MAP4K1: variants seen among roughly 807,000 people sequenced by gnomAD.
MAP4K1 encodes the protein MAPK/ERK kinase kinase kinase 1.
MAP4K1 carries 35 observed loss-of-function variants against 122.8 expected under a neutral mutation model. That is an observed-to-expected ratio of 0.29 (90% CI 0.22 to 0.38). MAP4K1 has a LOEUF of 0.38. Among genes scored for constraint, MAP4K1 ranks in the 10% least tolerant of loss-of-function variants. The probability of loss-of-function intolerance (pLI) is 1.00; values close to 1 mark genes in which losing one functional copy is unlikely to be tolerated. For missense variants in MAP4K1, 791 were observed against 1,072.6 expected (o/e 0.74, Z 3.67); for synonymous variants, 412 against 421.3 (o/e 0.98, Z 0.27).
intron 16 of MAP4K1, among the ~76,000 whole-genome samples, chr19:38,607,586 A>T (rs1433625480): frequency 2.7e-5 from 4 of 148,122 alleles, no homozygotes; most frequent in Non-Finnish European, 4.5e-5. Flanking sequence ...AAAAAGAAGA[A>T]GGTGGAAGGA....
At chr19:38,603,545 T>A (rs1975231239) in intron 19 of MAP4K1, among the ~76,000 whole-genome samples, 1 of 152,056 alleles carries the variant, frequency 6.6e-6, no homozygotes, top group Non-Finnish European at 1.5e-5. Context: ...AAATTATACA[T>A]ACTTTTAGCC....
chr19:38,597,604 G>A lies in MAP4K1; in HGVS notation c.1670-10C>T, dbSNP rs541570985. 13 of 1,591,500 alleles carry A rather than the reference G, an allele frequency of 8.2e-6. No homozygotes were observed. Among genetic ancestry groups the A allele is most frequent in the Non-Finnish European group, 1.1e-5 (13 of 1,164,026 alleles). On this transcript the variant is annotated splice_polypyrimidine_tract_variant and intron_variant, in intron 22 of 30. Transcript: ENST00000396857. This position sits in a 1 kb window ranked among gnomAD's most constrained non-coding sequence, Gnocchi z 4.6. ...AGGTGGGGGGTCTTTCCTGCAGGGT[G>A]TGTGTATGTAGGGGGAAGCAGGAAG...
intron 30 of MAP4K1, among the ~76,000 whole-genome samples, chr19:38,590,395 ATATATAT>A (rs1285705335): frequency 4.6e-4 from 9 of 19,472 alleles, no homozygotes; most frequent in South Asian, 2.5e-3. Context: ...AAAAAAAAAA[ATATATAT>A]ATATATATAT....
intron 30 of MAP4K1, among the ~76,000 whole-genome samples, chr19:38,590,744 GGA>G (rs1273355326): frequency 1.3e-5 from 2 of 151,780 alleles, no homozygotes; most frequent in Non-Finnish European, 2.9e-5. Context: ...CAAAGTGCTG[GGA>G]TGACAGGCGT....
intron 6 of MAP4K1, 41 bp from the exon 7 acceptor site, chr19:38,614,126 C>T (rs763524551): frequency 6.2e-6 from 10 of 1,612,140 alleles, no homozygotes; most frequent in Non-Finnish European, 6.8e-6. Flanking sequence ...AGAGACTCTC[C>T]CCAGCCCAGT....
chr19:38,609,551 T>C, intron 13 of MAP4K1, 45 bp downstream of exon 13: 3 of 1,563,494 alleles, frequency 1.9e-6, no homozygotes, highest in Non-Finnish European at 2.6e-6. Context: ...CTCTTAGGTC[T>C]ATTATAGGGT....
At chr19:38,605,350 CCACCAGGCAT>C in intron 19 of MAP4K1, 49 bp downstream of exon 19, 1 of 1,312,768 alleles carries the variant, frequency 7.6e-7, no homozygotes, top group Non-Finnish European at 1.1e-6. Context: ...CCTCCCCACC[CCACCAGGCAT>C]CCCCAGCCCC....
rs752231895 is a variant in MAP4K1, at chr19:38,612,613, G to C, written c.663C>G (p.Leu221=). Residue 221 remains leucine, a splice_region_variant and synonymous_variant, in exon 9 of 31, where the codon CTC becomes CTG. Coordinates refer to ENST00000396857, the MANE Select transcript of MAP4K1 (RefSeq NM_001042600.3). ...LQPPLFDVHP[L]RVLFLMTKSG... ...CTGGGGACCCCACGCCTGCCTACCT[G>C]AGAGGGTGCACATCAAAGAGCGGTG... The C allele has an allele frequency of 1.2e-6, 2 of 1,612,606 alleles. No homozygotes were observed. Among genetic ancestry groups the C allele is most frequent in the Non-Finnish European group, 1.7e-6 (2 of 1,179,816 alleles).
Position 38,608,122 on chromosome 19 carries a change from G to A in MAP4K1, c.1055C>T (p.Pro352Leu). Residue 352 changes from proline (P) to leucine (L), a missense_variant, in exon 14 of 31, where the codon CCA becomes CTA. Coordinates refer to ENST00000396857, the MANE Select transcript of MAP4K1 (RefSeq NM_001042600.3). ...GGGACAGCATCTCACGGTGTTGGCT[G>A]GGGGTCTGGTCTCCATTCCTCGGAG... ...RKLRGMETRPPANTARLQPPR... is the reference protein window; with the variant it reads ...RKLRGMETRPLANTARLQPPR... The A allele has an allele frequency of 1.3e-6, 2 of 1,537,524 alleles. No homozygotes were observed. The highest frequency in any genetic ancestry group is 1.7e-6 in the Non-Finnish European group (2 of 1,144,118).
At chr19:38,592,216 G>A (rs1974747807) in intron 30 of MAP4K1, among the ~76,000 whole-genome samples, 1 of 152,148 alleles carries the variant, frequency 6.6e-6, no homozygotes, top group Non-Finnish European at 1.5e-5. Flanking sequence ...CAAGACTGCA[G>A]TGAGCTGTGT....
Position 38,614,464 on chromosome 19 carries a change from C to T in MAP4K1, c.314-19G>A. 1 of 1,613,766 alleles carries T rather than the reference C, an allele frequency of 6.2e-7. No individual in the cohort carries two copies. Among genetic ancestry groups the T allele is most frequent in the Non-Finnish European group, 8.5e-7 (1 of 1,180,012 alleles). Reference sequence around the variant, plus strand: ...CCTGTCACTGCAAAGGTCACCCCGGCCAGGCCAGGCATTGGATGGGAGCCA... The same window carrying T: ...CCTGTCACTGCAAAGGTCACCCCGGTCAGGCCAGGCATTGGATGGGAGCCA... On this transcript the variant is annotated intron_variant, in intron 4 of 30. Transcript: ENST00000396857.
In MAP4K1 at chr19:38,609,633, G is replaced by C; in HGVS notation, c.969C>G (p.Arg323=). Residue 323 remains arginine, a synonymous_variant, in exon 13 of 31, where the codon CGC becomes CGG. Transcript: ENST00000396857. ...AIPRRIRSTH[R]SSSLGIPDAD... is the part of the protein sequence containing the mutation. The stretch of plus-strand genomic sequence containing the variant: ...CATCTGGGATCCCCAGAGAGCTGGA[G>C]CGGTGGGTGGATCTGATCCGCCGAG... The C allele has an allele frequency of 6.2e-7, 1 of 1,613,914 alleles. No individual in the cohort carries two copies. Among genetic ancestry groups the C allele is most frequent in the Non-Finnish European group, 8.5e-7 (1 of 1,179,930 alleles).
In MAP4K1 at chr19:38,597,626, G is replaced by A. The variant is rs774694447; in HGVS notation, c.1670-32C>T. On this transcript the variant is annotated intron_variant, in intron 22 of 30. Coordinates refer to ENST00000396857, the MANE Select transcript of MAP4K1 (RefSeq NM_001042600.3). The surrounding 1 kb of genome is among the most constrained non-coding windows in gnomAD (Gnocchi z 4.6). ...GGTGTGTGTATGTAGGGGGAAGCAGGAAGTTATAGGATCCCATATACCACT... is the reference window on the plus strand; with the variant it reads ...GGTGTGTGTATGTAGGGGGAAGCAGAAAGTTATAGGATCCCATATACCACT... The A allele has an allele frequency of 4.3e-5, 63 of 1,455,728 alleles. No individual in the cohort carries two copies. Among genetic ancestry groups the A allele is most frequent in the Non-Finnish European group, 5.7e-5 (60 of 1,053,328 alleles). 90.2% of individuals were successfully genotyped at this position (1,455,728 alleles called of 1,614,324 possible). A position where few individuals can be genotyped will look rare whatever the true frequency, so the allele number is the denominator to read the frequency against.
chr19:38,604,680 C>T (rs1043640111), intron 19 of MAP4K1, among the ~76,000 whole-genome samples: 3 of 151,648 alleles, frequency 2.0e-5, no homozygotes, highest in Non-Finnish European at 4.4e-5. Context: ...GTCCCAGCTA[C>T]TCGGGAGGCT....
intron 29 of MAP4K1, among the ~76,000 whole-genome samples, chr19:38,594,149 A>ATG (rs1974803857): frequency 6.6e-6 from 1 of 152,076 alleles, no homozygotes; most frequent in Admixed American, 6.6e-5. Context: ...TGCCAGCCCA[A>ATG]GGTCACAGTA....
At chr19:38,604,586 C>G (rs1975267009) in intron 19 of MAP4K1, among the ~76,000 whole-genome samples, 1 of 148,902 alleles carries the variant, frequency 6.7e-6, no homozygotes, top group South Asian at 2.1e-4. Context: ...GTCAGGAGAT[C>G]GAGACCATCC....
At chr19:38,607,791 G>C in intron 16 of MAP4K1, 73 bp downstream of exon 16, 14 of 1,517,280 alleles carry the variant, frequency 9.2e-6, no homozygotes, top group Non-Finnish European at 1.3e-5. Flanking sequence ...TGGAGGAAAG[G>C]CCACATCAGG....
At chr19:38,614,626 A>G in intron 4 of MAP4K1, 181 bp from the exon 5 acceptor site, 1 of 665,418 alleles carries the variant, frequency 1.5e-6, no homozygotes, top group Non-Finnish European at 2.6e-6. Flanking sequence ...AATGCAAATA[A>G]AAGAGGCCAA....
At position 38,605,738 on chromosome 19, in the gene MAP4K1, G is replaced by A; in HGVS notation, c.1201-8C>T. 6.2e-7 allele frequency: 1 copy of A among 1,603,074 alleles called. No homozygotes were observed. The highest frequency in any genetic ancestry group is 8.5e-7 in the Non-Finnish European group (1 of 1,177,354). ...TGGAGAACGGAACTTGGGCTTTGGA[G>A]ACGGGAATGGAGCGTGGGGAAATAC... On this transcript the variant is annotated splice_region_variant and splice_polypyrimidine_tract_variant and intron_variant, in intron 17 of 30. Coordinates refer to ENST00000396857, the MANE Select transcript of MAP4K1 (RefSeq NM_001042600.3).
Sources: gnomAD v4.1 joint callset for allele counts (sites outside exome capture counted in the v4.1 genomes callset) on GRCh38, gnomAD v4.1.1 for gene constraint, Gnocchi (gnomAD v3.1) non-coding constraint, MANE v1.5 for transcripts, NCBI Gene and HGNC (gene_info 2026-07-23, HGNC 2026-07-21) for gene names.